Variants in CADM1 observed in about 807,000 individuals in gnomAD.
CADM1 encodes the protein TSLC-1.
CADM1 carries 15 observed loss-of-function variants against 53.1 expected under a neutral mutation model. The ratio of observed to expected loss-of-function variants is 0.28; its 90% confidence interval spans 0.19 to 0.44. CADM1 has a LOEUF of 0.44. Among genes scored for constraint, CADM1 ranks in the 20% least tolerant of loss-of-function variants. CADM1 has a pLI of 1.00. For synonymous variants in CADM1, 281 were observed against 243.0 expected, an observed-to-expected ratio of 1.16 and a Z score of -1.45; for missense variants, 434 against 611.3, an observed-to-expected ratio of 0.71 and a Z score of 3.06.
chr11:115,401,360 G>C (rs1259590361), intron 1 of CADM1, among the ~76,000 whole-genome samples: 1 of 152,084 alleles, frequency 6.6e-6, no homozygotes, highest in Non-Finnish European at 1.5e-5. Flanking sequence ...TGTAATCCCA[G>C]CACTTTGGGA....
chr11:115,169,395 G>A lies in CADM1; in HGVS notation c.*7079C>T. The A allele has an allele frequency of 2.9e-6, 1 of 341,338 alleles. No individual in the cohort carries two copies. The highest frequency in any genetic ancestry group is 2.3e-5 in the South Asian group (1 of 43,502). 21.1% of individuals were successfully genotyped at this position (341,338 alleles called of 1,614,324 possible). A position where few individuals can be genotyped will look rare whatever the true frequency, so the allele number is the denominator to read the frequency against. On this transcript the variant is annotated 3_prime_UTR_variant, in exon 12 of 12. Transcript: ENST00000331581. ...AAGCATCTCCCGGGCTACATTTCTGGCTGTGTTAAGAATCAAGCCATCAAG... is the reference window on the plus strand; with the variant it reads ...AAGCATCTCCCGGGCTACATTTCTGACTGTGTTAAGAATCAAGCCATCAAG...
At chr11:115,441,677 A>G (rs1171936025) in intron 1 of CADM1, among the ~76,000 whole-genome samples, 1 of 152,204 alleles carries the variant, frequency 6.6e-6, no homozygotes, top group Non-Finnish European at 1.5e-5. Flanking sequence ...ATATCCAGAT[A>G]GAAATATGGA....
intron 2 of CADM1, among the ~76,000 whole-genome samples, chr11:115,239,738 A>G (rs1203829237): frequency 6.7e-6 from 1 of 149,218 alleles, no homozygotes; most frequent in East Asian, 2.0e-4. Flanking sequence ...AAAAGATTTG[A>G]TTCTTGCTCT....
intron 1 of CADM1, among the ~76,000 whole-genome samples, chr11:115,434,962 GCGATTCTC>G (rs1948149810): frequency 6.7e-6 from 1 of 150,212 alleles, no homozygotes; most frequent in Admixed American, 6.7e-5. Flanking sequence ...CTGGGTTCAA[GCGATTCTC>G]CTGCCTTAGC....
intron 1 of CADM1, among the ~76,000 whole-genome samples, chr11:115,350,039 T>G (rs1945685544): frequency 6.6e-6 from 1 of 152,200 alleles, no homozygotes; most frequent in Non-Finnish European, 1.5e-5. Context: ...TGGCATGATC[T>G]TGGCTCACTG....
rs60532835 is a variant in CADM1 at position 115,340,658 on chromosome 11, A to ATATATT, written c.125-100239_125-100238insAATATA. On this transcript the variant is annotated intron_variant, in intron 1 of 11. Transcript: ENST00000331581. ...TATATATATATATATATATATATAT[A>ATATATT]TTTTTTTTTTTTTTTTTTTTGAGAC... Among the ~76,000 whole-genome samples, 117 of 34,936 alleles carry ATATATT rather than the reference A, an allele frequency of 3.3e-3. 2 individuals carry two copies. The highest frequency in any genetic ancestry group is 3.3e-3 in the East Asian group (3 of 916). The allele number at this position is 34,936 out of a possible 152,430, so 22.9% of individuals were successfully genotyped here.
chr11:115,313,232 A>G (rs962633490), intron 1 of CADM1, among the ~76,000 whole-genome samples: 2 of 152,192 alleles, frequency 1.3e-5, no homozygotes, highest in Non-Finnish European at 2.9e-5. Context: ...AGTACATACA[A>G]TATCTTCCCA....
At chr11:115,189,249 C>T (rs551162164) in intron 10 of CADM1, among the ~76,000 whole-genome samples, 10 of 152,220 alleles carry the variant, frequency 6.6e-5, no homozygotes, top group Non-Finnish European at 1.2e-4. Context: ...TCTGACATGG[C>T]GCAGTGCTGA....
chr11:115,229,856 CT>C (rs955312675), intron 4 of CADM1, among the ~76,000 whole-genome samples: 1 of 152,144 alleles, frequency 6.6e-6, no homozygotes, highest in Admixed American at 6.5e-5. Flanking sequence ...AACTCTGAGA[CT>C]TTTGGAAGAC....
chr11:115,423,043 AT>A (rs1241916506), intron 1 of CADM1, among the ~76,000 whole-genome samples: 2 of 151,596 alleles, frequency 1.3e-5, no homozygotes, highest in East Asian at 3.9e-4. Context: ...TTTTTTTTTA[AT>A]GTTTGTGCAT....
intron 1 of CADM1, among the ~76,000 whole-genome samples, chr11:115,381,433 C>G (rs1047500863): frequency 3.3e-5 from 5 of 152,066 alleles, no homozygotes; most frequent in Admixed American, 6.5e-5. Flanking sequence ...GGAAAGCAGA[C>G]AGTAATGCAC....
intron 1 of CADM1, among the ~76,000 whole-genome samples, chr11:115,313,330 A>G (rs1408031676): frequency 6.6e-6 from 1 of 152,174 alleles, no homozygotes; most frequent in Non-Finnish European, 1.5e-5. Flanking sequence ...TGAAGCAACC[A>G]TTCAAATGTT....
intron 1 of CADM1, among the ~76,000 whole-genome samples, chr11:115,296,600 C>T (rs930872468): frequency 2.0e-5 from 3 of 152,188 alleles, no homozygotes; most frequent in African/African-American, 7.2e-5. Context: ...TTGATCTTCT[C>T]TACCATGTTA....
chr11:115,352,187 G>A (rs979000420), intron 1 of CADM1, among the ~76,000 whole-genome samples: 1 of 152,062 alleles, frequency 6.6e-6, no homozygotes, highest in African/African-American at 2.4e-5. Context: ...TCTACTAAAG[G>A]GAATTCAGTG....
At chr11:115,335,464 T>C (rs962698980) in intron 1 of CADM1, among the ~76,000 whole-genome samples, 2 of 151,954 alleles carry the variant, frequency 1.3e-5, no homozygotes, top group Non-Finnish European at 2.9e-5. Context: ...TGTATATATA[T>C]AGTTGTAAAA....
intron 1 of CADM1, among the ~76,000 whole-genome samples, chr11:115,381,946 A>C (rs1946589429): frequency 6.6e-6 from 1 of 152,104 alleles, no homozygotes; most frequent in Admixed American, 6.5e-5. Context: ...CCCGGGTTCA[A>C]GCCATCTCCT....
chr11:115,354,626 CCAATAATTA>C (rs943364443), intron 1 of CADM1, among the ~76,000 whole-genome samples: 2 of 151,962 alleles, frequency 1.3e-5, no homozygotes, highest in African/African-American at 2.4e-5. Context: ...TACAGGTGGC[CCAATAATTA>C]CAATATAAAG....
At chr11:115,335,833 G>C (rs56089633) in intron 1 of CADM1, among the ~76,000 whole-genome samples, 57,530 of 151,924 alleles carry the variant, frequency 0.38, 11,079 homozygotes, top group Middle Eastern at 0.42. Flanking sequence ...TGGTTCATTA[G>C]GAAGCTGTCA....
intron 1 of CADM1, among the ~76,000 whole-genome samples, chr11:115,466,148 A>G (rs935843441): frequency 2.0e-5 from 3 of 152,098 alleles, no homozygotes; most frequent in Admixed American, 6.6e-5. Context: ...ACCCTGTGGC[A>G]CCCCAAAATC....
Sources: gnomAD v4.1 joint callset for allele counts (sites outside exome capture counted in the v4.1 genomes callset) on GRCh38, gnomAD v4.1.1 for gene constraint, MANE v1.5 for transcripts, NCBI Gene and HGNC (gene_info 2026-07-23, HGNC 2026-07-21) for gene names.